LMO7: variants seen among roughly 807,000 people sequenced by gnomAD.
LMO7 encodes LIM domain only protein 7.
In LMO7, 120 loss-of-function variants were observed where a neutral mutation model predicts 206.5. That is an observed-to-expected ratio of 0.58 (90% CI 0.50 to 0.68). The LOEUF is 0.68. Among genes scored for constraint, LMO7 ranks in the 30% least tolerant of loss-of-function variants. The pLI is 0.00. For missense variants in LMO7, 1,959 were observed against 1,957.9 expected (o/e 1.00, Z -0.01); for synonymous variants, 706 against 681.5 (o/e 1.04, Z -0.56).
chr13:75,802,518 G>A (rs183187010), intron 7 of LMO7, among the ~76,000 whole-genome samples: 46 of 152,346 alleles, frequency 3.0e-4, no homozygotes, highest in African/African-American at 1.1e-3. Context: ...TAGAGGGCAT[G>A]TGGGAATATG....
intron 4 of LMO7, among the ~76,000 whole-genome samples, chr13:75,787,862 T>C (rs1469480844): frequency 2.0e-5 from 3 of 152,232 alleles, no homozygotes; most frequent in African/African-American, 7.2e-5. Context: ...CTTACTTTTT[T>C]TGAGAGAAGG....
At chr13:75,698,738 GTTACC>G (rs1227501963) in intron 1 of LMO7, among the ~76,000 whole-genome samples, 1 of 151,184 alleles carries the variant, frequency 6.6e-6, no homozygotes, top group Non-Finnish European at 1.5e-5. Flanking sequence ...CTTTTAAAAA[GTTACC>G]TTTATTGAGT....
intron 3 of LMO7, among the ~76,000 whole-genome samples, chr13:75,748,176 G>A (rs529416649): frequency 2.7e-4 from 41 of 152,216 alleles, no homozygotes; most frequent in Non-Finnish European, 5.7e-4. Flanking sequence ...TAGTCCCAAG[G>A]GCACCTTGAT....
At chr13:75,651,049 A>G (rs1232331046) in intron 1 of LMO7, among the ~76,000 whole-genome samples, 1 of 152,196 alleles carries the variant, frequency 6.6e-6, no homozygotes, top group East Asian at 1.9e-4. Flanking sequence ...TTTTAAAGCC[A>G]ATTTGCAAAC....
intron 3 of LMO7, among the ~76,000 whole-genome samples, chr13:75,748,593 A>G (rs372521103): frequency 3.3e-5 from 5 of 152,188 alleles, no homozygotes; most frequent in African/African-American, 1.2e-4. Context: ...TAACTGGAAA[A>G]TGTCACATGA....
chr13:75,753,900 T>A (rs1428862997), intron 3 of LMO7, among the ~76,000 whole-genome samples: 1 of 152,200 alleles, frequency 6.6e-6, no homozygotes, highest in Admixed American at 6.5e-5. Flanking sequence ...AAAGAAGGCA[T>A]CTTTAAAAAA....
intron 4 of LMO7, among the ~76,000 whole-genome samples, chr13:75,794,276 C>T (rs1315770262): frequency 1.2e-4 from 18 of 152,214 alleles, no homozygotes; most frequent in Admixed American, 1.2e-3. Flanking sequence ...ACATTTCCAT[C>T]AGTAGTGTGA....
chr13:75,858,008 C>T lies in LMO7; in HGVS notation c.*65C>T, dbSNP rs545965062. The T allele has an allele frequency of 3.1e-6, 5 of 1,589,920 alleles. No individual in the cohort carries two copies. In the African/African-American group the frequency reaches 6.8e-5, roughly 22 times the overall value. On this transcript the variant is annotated 3_prime_UTR_variant, in exon 31 of 31. Coordinates refer to ENST00000377534, the MANE Select transcript of LMO7 (RefSeq NM_001306080.2). Reference sequence around the variant, plus strand: ...AGAGGTGGTTGCTGCTCATGTAGATCTATAAATATGTGTTGTATGTCTTTT... The same window carrying T: ...AGAGGTGGTTGCTGCTCATGTAGATTTATAAATATGTGTTGTATGTCTTTT...
chr13:75,674,500 ATGT>A (rs2039851457), intron 1 of LMO7, among the ~76,000 whole-genome samples: 1 of 152,200 alleles, frequency 6.6e-6, no homozygotes, highest in African/African-American at 2.4e-5. Context: ...ATTTCTATGG[ATGT>A]TGTGAATTTT....
chr13:75,765,643 T>C (rs1459254259), intron 4 of LMO7, among the ~76,000 whole-genome samples: 1 of 152,114 alleles, frequency 6.6e-6, no homozygotes, highest in African/African-American at 2.4e-5. Context: ...CAAAAATGTA[T>C]GGTCAAATTT....
At chr13:75,708,131 C>T (rs534475919) in intron 1 of LMO7, among the ~76,000 whole-genome samples, 1 of 152,266 alleles carries the variant, frequency 6.6e-6, no homozygotes, top group African/African-American at 2.4e-5. Context: ...TACTGTTTAA[C>T]CACCCTCAAG....
chr13:75,766,237 C>CTTTTTTTTTTTTTTTTTTTTTTTT (rs10604656), intron 4 of LMO7, among the ~76,000 whole-genome samples: 1 of 126,096 alleles, frequency 7.9e-6, no homozygotes, highest in Non-Finnish European at 1.7e-5. Flanking sequence ...TTCCCTCAGT[C>CTTTTTTTTTTTTTTTTTTTTTTTT]TTTTTTTTTT....
chr13:75,816,946 C>A, intron 11 of LMO7: 1 of 412,734 alleles, frequency 2.4e-6, no homozygotes, highest in South Asian at 5.1e-5. Context: ...TAGGGCTAAT[C>A]TAGCCATTTT....
intron 26 of LMO7, among the ~76,000 whole-genome samples, chr13:75,846,847 A>G (rs1473683966): frequency 6.6e-6 from 1 of 152,170 alleles, no homozygotes; most frequent in African/African-American, 2.4e-5. Flanking sequence ...CCTGACCAAC[A>G]TAGTGAAACC....
chr13:75,773,224 G>A (rs2049975149), intron 4 of LMO7, among the ~76,000 whole-genome samples: 1 of 152,082 alleles, frequency 6.6e-6, no homozygotes, highest in Admixed American at 6.6e-5. Context: ...ACATTCTGAT[G>A]GGGGAAGCTT....
intron 14 of LMO7, 65 bp from the exon 15 acceptor site, chr13:75,823,496 TAAAC>T (rs780076102): frequency 7.6e-4 from 909 of 1,194,988 alleles, no homozygotes; most frequent in Non-Finnish European, 9.6e-4. Flanking sequence ...ATTAATTTAA[TAAAC>T]AACTTTTAAA....
chr13:75,744,316 C>T (rs1009536208), intron 3 of LMO7, among the ~76,000 whole-genome samples: 12 of 152,152 alleles, frequency 7.9e-5, no homozygotes, highest in Admixed American at 6.5e-4. Context: ...TTAGTCATAA[C>T]ATTGGCACAA....
rs187984772 is a variant in LMO7 at position 75,848,897 on chromosome 13, T to A, written c.4151-182T>A. 113 of 562,508 alleles carry A rather than the reference T, an allele frequency of 2.0e-4. No homozygotes were observed. The Middle Eastern group carries it at 2.4e-3, about 12-fold the overall frequency. 34.8% of individuals were successfully genotyped at this position (562,508 alleles called of 1,614,324 possible). A position where few individuals can be genotyped will look rare whatever the true frequency, so the allele number is the denominator to read the frequency against. The stretch of plus-strand genomic sequence containing the variant: ...CCAGCAGCGTAGGAGTGCTCCCTTT[T>A]CCCTGCATTCACACCAACGTCTATT... On this transcript the variant is annotated intron_variant, in intron 26 of 30. Coordinates refer to ENST00000377534, the MANE Select transcript of LMO7 (RefSeq NM_001306080.2).
intron 1 of LMO7, among the ~76,000 whole-genome samples, chr13:75,666,318 G>A (rs1219095285): frequency 6.6e-6 from 1 of 152,146 alleles, no homozygotes; most frequent in Non-Finnish European, 1.5e-5. Context: ...TGGCATAAAT[G>A]GATTAATTTG....
Sources: allele counts gnomAD v4.1 joint callset (sites outside exome capture counted in the v4.1 genomes callset), GRCh38; gene constraint gnomAD v4.1.1; transcripts MANE v1.5; gene names NCBI Gene and HGNC (gene_info 2026-07-23, HGNC 2026-07-21).